The following CYB5A variants were observed in gnomAD, a reference collection of about 807,000 sequenced individuals.
The protein encoded by CYB5A is cytochrome b5.
Under a neutral mutation model 16.2 loss-of-function variants are expected in CYB5A, and 10 were observed. That is an observed-to-expected ratio of 0.62 (90% CI 0.38 to 1.04). The LOEUF (loss-of-function observed/expected upper bound fraction) is 1.04. CYB5A is among the 50% of genes least tolerant of loss of function. The probability of loss-of-function intolerance (pLI) is 0.01; values close to 1 mark genes in which losing one functional copy is unlikely to be tolerated. For synonymous variants in CYB5A, 62 were observed against 57.0 expected, an observed-to-expected ratio of 1.09 and a Z score of -0.40; for missense variants, 161 against 165.9, an observed-to-expected ratio of 0.97 and a Z score of 0.16.
chr18:74,268,474 C>A (rs1360989854), intron 1 of CYB5A, among the ~76,000 whole-genome samples: 2 of 148,902 alleles, frequency 1.3e-5, no homozygotes, highest in Non-Finnish European at 3.0e-5. Context: ...TGATCTTTGT[C>A]CTGTGAGCAA....
intron 2 of CYB5A, 143 bp from the exon 3 acceptor site, chr18:74,261,087 T>C: frequency 4.3e-6 from 3 of 692,324 alleles, no homozygotes; most frequent in South Asian, 1.5e-5. Context: ...AACACAAAGT[T>C]TGATCCATCT....
chr18:74,279,302 C>A (rs564556601), intron 1 of CYB5A, among the ~76,000 whole-genome samples: 4 of 152,168 alleles, frequency 2.6e-5, no homozygotes, highest in Non-Finnish European at 5.9e-5. Context: ...CCAAGGCAGG[C>A]GGATCACCTG....
intron 1 of CYB5A, among the ~76,000 whole-genome samples, chr18:74,280,712 G>T (rs543365024): frequency 1.3e-5 from 2 of 152,250 alleles, no homozygotes; most frequent in Admixed American, 1.3e-4. Context: ...AGAATTATGT[G>T]CTGAAAAGGC....
chr18:74,261,325 T>C, intron 2 of CYB5A: 1 of 283,496 alleles, frequency 3.5e-6, no homozygotes, highest in Non-Finnish European at 6.9e-6. Flanking sequence ...CTTACGTGTA[T>C]GATATCTTCA....
intron 1 of CYB5A, among the ~76,000 whole-genome samples, chr18:74,283,436 C>T (rs1340661511): frequency 6.6e-6 from 1 of 152,182 alleles, no homozygotes. Context: ...GCCGTGAAGA[C>T]TCCACCCCGA....
chr18:74,291,459 CGAG>C (rs1983536391), intron 1 of CYB5A, among the ~76,000 whole-genome samples: 2 of 125,576 alleles, frequency 1.6e-5, no homozygotes, highest in Admixed American at 7.8e-5. Flanking sequence ...TGTGCGGACT[CGAG>C]GAGAGCGCCC....
intron 3 of CYB5A, 46 bp downstream of exon 3, chr18:74,260,868 TA>T: frequency 6.4e-7 from 1 of 1,554,330 alleles, no homozygotes. Context: ...TGACAAGTAT[TA>T]AATACAACGA....
intron 1 of CYB5A, among the ~76,000 whole-genome samples, chr18:74,278,153 C>G (rs1201220283): frequency 6.6e-6 from 1 of 152,146 alleles, no homozygotes; most frequent in African/African-American, 2.4e-5. Flanking sequence ...ACTTTACAGA[C>G]AGAGGTGACG....
At chr18:74,256,951 T>G (rs1157562547) in intron 3 of CYB5A, 2 of 1,002,210 alleles carry the variant, frequency 2.0e-6, no homozygotes, top group African/African-American at 3.2e-5. Flanking sequence ...CTATAAAAAG[T>G]ATTCATAACT....
In CYB5A at chr18:74,275,953, G is replaced by A. The variant is rs769414354; in HGVS notation, c.130-12476C>T. Among the ~76,000 whole-genome samples, 111 of 152,082 alleles carry A rather than the reference G, an allele frequency of 7.3e-4. 1 individual carries two copies. The highest frequency in any genetic ancestry group is 2.6e-4 in the Non-Finnish European group (18 of 68,020). On this transcript the variant is annotated intron_variant, in intron 1 of 4. Coordinates refer to ENST00000340533, the MANE Select transcript of CYB5A (RefSeq NM_148923.4). ...GCAGACCAGATACCCCAACACCAGC[G>A]CGGCACCGGGATCTGACCCAGCCCA...
At chr18:74,286,698 G>A (rs979766865) in intron 1 of CYB5A, among the ~76,000 whole-genome samples, 8 of 152,150 alleles carry the variant, frequency 5.3e-5, no homozygotes, top group South Asian at 4.1e-4. Flanking sequence ...AATGCCCAGC[G>A]GGACAGGGTT....
intron 3 of CYB5A, chr18:74,257,125 T>G: frequency 2.2e-6 from 1 of 460,148 alleles, no homozygotes; most frequent in Non-Finnish European, 3.9e-6. Context: ...ACTAGAAAGT[T>G]AAGTTTGAAA....
chr18:74,266,351 C>T (rs940425951), intron 1 of CYB5A, among the ~76,000 whole-genome samples: 3 of 152,152 alleles, frequency 2.0e-5, no homozygotes, highest in Non-Finnish European at 4.4e-5. Flanking sequence ...GCGTAGGGAC[C>T]GCTGAACTCA....
intron 3 of CYB5A, chr18:74,259,953 A>G (rs1322807424): frequency 3.3e-5 from 5 of 152,164 alleles, no homozygotes; most frequent in Non-Finnish European, 7.3e-5. Flanking sequence ...ATATAAAAAA[A>G]ATTGCTTTGT....
intron 1 of CYB5A, among the ~76,000 whole-genome samples, chr18:74,270,441 G>GA (rs1328062379): frequency 2.0e-5 from 3 of 152,182 alleles, no homozygotes; most frequent in Middle Eastern, 6.8e-3. Context: ...AATAATTAAT[G>GA]AAAGCAGGCT....
At chr18:74,269,725 T>C (rs556306223) in intron 1 of CYB5A, among the ~76,000 whole-genome samples, 3 of 152,302 alleles carry the variant, frequency 2.0e-5, no homozygotes, top group Non-Finnish European at 2.9e-5. Context: ...GCCAATCCAG[T>C]TGGCAACCTT....
chr18:74,265,802 A>G (rs1460083211), intron 1 of CYB5A, among the ~76,000 whole-genome samples: 1 of 152,064 alleles, frequency 6.6e-6, no homozygotes, highest in Non-Finnish European at 1.5e-5. Flanking sequence ...TAAACAACCA[A>G]CTCTGCCTGA....
At chr18:74,278,994 G>A (rs1416605450) in intron 1 of CYB5A, among the ~76,000 whole-genome samples, 1 of 152,186 alleles carries the variant, frequency 6.6e-6, no homozygotes, top group Admixed American at 6.5e-5. Flanking sequence ...TGACCTTGGG[G>A]TACAGGGAAG....
chr18:74,291,958 A>T lies in CYB5A; in HGVS notation c.-83T>A, dbSNP rs1983569634. On this transcript the variant is annotated 5_prime_UTR_variant, in exon 1 of 5. Coordinates refer to ENST00000340533, the MANE Select transcript of CYB5A (RefSeq NM_148923.4). ...CGCGACTCAGCCAGCTCCACCCGGG[A>T]CATTCCCCGCGCCGGGAACCCCACT... 4 of 1,596,058 alleles carry T rather than the reference A, an allele frequency of 2.5e-6. No individual in the cohort carries two copies. In the Admixed American group the frequency reaches 6.7e-5, roughly 27 times the overall value.
Sources: gnomAD v4.1 joint callset for allele counts (sites outside exome capture counted in the v4.1 genomes callset) on GRCh38, gnomAD v4.1.1 for gene constraint, MANE v1.5 for transcripts, NCBI Gene and HGNC (gene_info 2026-07-23, HGNC 2026-07-21) for gene names.